DMXL2: variants seen among roughly 807,000 people sequenced by gnomAD.
The protein encoded by DMXL2 is dmX-like protein 2.
A neutral mutation model predicts 331.1 loss-of-function variants in DMXL2; 103 were observed. The observed-to-expected ratio is 0.31, with a 90% CI of 0.27 to 0.37. The LOEUF (loss-of-function observed/expected upper bound fraction) is 0.37, where lower values mean the gene tolerates loss of function less well. Among genes scored for constraint, DMXL2 ranks in the 10% least tolerant of loss-of-function variants. The pLI, the probability that DMXL2 is intolerant of heterozygous loss-of-function variation, is 1.00. For synonymous variants in DMXL2, 1,281 were observed against 1,252.1 expected, an observed-to-expected ratio of 1.02 and a Z score of -0.49; for missense variants, 3,171 against 3,642.9, an observed-to-expected ratio of 0.87 and a Z score of 3.33.
intron 1 of DMXL2, among the ~76,000 whole-genome samples, chr15:51,592,582 C>T (rs1854276838): frequency 6.6e-6 from 1 of 152,132 alleles, no homozygotes; most frequent in South Asian, 2.1e-4. Flanking sequence ...CAAAGATACT[C>T]CTTGACAAGA....
chr15:51,613,485 T>C (rs915165496), intron 1 of DMXL2, among the ~76,000 whole-genome samples: 7 of 152,246 alleles, frequency 4.6e-5, no homozygotes, highest in African/African-American at 1.7e-4. Flanking sequence ...TACACTTCAA[T>C]AGCTAGTTTA....
At chr15:51,589,373 A>C (rs1272981003) in intron 1 of DMXL2, among the ~76,000 whole-genome samples, 1 of 152,224 alleles carries the variant, frequency 6.6e-6, no homozygotes, top group Non-Finnish European at 1.5e-5. Flanking sequence ...TTCTATTTCC[A>C]ATTACTCTGA....
At chr15:51,564,037 A>C in intron 5 of DMXL2, 88 bp downstream of exon 5, 1 of 1,440,258 alleles carries the variant, frequency 6.9e-7, no homozygotes, top group Non-Finnish European at 9.3e-7. Context: ...TGGTACCATC[A>C]AAAAATAAAG....
At chr15:51,530,964 C>A (rs560988231) in intron 13 of DMXL2, among the ~76,000 whole-genome samples, 11 of 152,240 alleles carry the variant, frequency 7.2e-5, no homozygotes, top group African/African-American at 2.2e-4. Context: ...CTACCCCAAG[C>A]AATCTACAGA....
At chr15:51,617,906 A>C (rs1160430618) in intron 1 of DMXL2, among the ~76,000 whole-genome samples, 3 of 152,198 alleles carry the variant, frequency 2.0e-5, no homozygotes, top group Non-Finnish European at 4.4e-5. Flanking sequence ...CAGGGACATA[A>C]GAACTTATAA....
chr15:51,453,401 A>G, intron 41 of DMXL2, 149 bp downstream of exon 41: 3 of 534,038 alleles, frequency 5.6e-6, no homozygotes, highest in Non-Finnish European at 6.3e-6. Context: ...TTTTGGTAAG[A>G]AAAAACACTC....
chr15:51,466,324 G>C lies in DMXL2; in HGVS notation c.7393-13C>G. 1 of 1,258,570 alleles carries C rather than the reference G, an allele frequency of 7.9e-7. No homozygotes were observed. Among genetic ancestry groups the C allele is most frequent in the Non-Finnish European group, 1.0e-6 (1 of 955,568 alleles). The allele number at this position is 1,258,570 out of a possible 1,614,324, so 78.0% of individuals were successfully genotyped here. ...AAGGAAGAAATGGCTGCAATAAAAGGTAAAATTATTTTTTTAAAGATTATA... is the reference window on the plus strand; with the variant it reads ...AAGGAAGAAATGGCTGCAATAAAAGCTAAAATTATTTTTTTAAAGATTATA... On this transcript the variant is annotated splice_polypyrimidine_tract_variant and intron_variant, in intron 29 of 43. Coordinates refer to ENST00000560891, the MANE Select transcript of DMXL2 (RefSeq NM_001378457.1).
At chr15:51,458,917 GCAAGA>G in intron 34 of DMXL2, 122 bp from the exon 35 acceptor site, 2 of 690,684 alleles carry the variant, frequency 2.9e-6, no homozygotes, top group Non-Finnish European at 2.3e-6. Context: ...AGCAGCAGCA[GCAAGA>G]AAAAAGGGTA....
At chr15:51,475,701 A>C (rs2041520965) in intron 27 of DMXL2, among the ~76,000 whole-genome samples, 1 of 152,224 alleles carries the variant, frequency 6.6e-6, no homozygotes. Flanking sequence ...CCAAAAGCAC[A>C]TTAGTGGGAC....
At chr15:51,559,257 T>C (rs1027552010) in intron 6 of DMXL2, among the ~76,000 whole-genome samples, 3 of 152,310 alleles carry the variant, frequency 2.0e-5, no homozygotes, top group South Asian at 2.1e-4. Flanking sequence ...AAAAAGCTCA[T>C]ACCCATAATA....
chr15:51,464,888 C>A lies in DMXL2; in HGVS notation c.7607-12G>T. 1 of 1,591,608 alleles carries A rather than the reference C, an allele frequency of 6.3e-7. No homozygotes were observed. The highest frequency in any genetic ancestry group is 8.6e-7 in the Non-Finnish European group (1 of 1,166,914). On this transcript the variant is annotated splice_polypyrimidine_tract_variant and intron_variant, in intron 31 of 43. Coordinates refer to ENST00000560891, the MANE Select transcript of DMXL2 (RefSeq NM_001378457.1). ...TGTTACAGGCAGCTCTACAAGGTGA[C>A]AGAATATGTTATTTATTTTAATAAA...
intron 43 of DMXL2, among the ~76,000 whole-genome samples, chr15:51,449,536 C>G (rs1201107165): frequency 6.6e-6 from 1 of 152,146 alleles, no homozygotes; most frequent in Non-Finnish European, 1.5e-5. Context: ...CAGACAGTCC[C>G]CTACTTACGA....
chr15:51,520,727 C>T (rs897351769), intron 13 of DMXL2, among the ~76,000 whole-genome samples: 1 of 152,066 alleles, frequency 6.6e-6, no homozygotes, highest in Non-Finnish European at 1.5e-5. Context: ...CGTGGCAGTG[C>T]GCACCTGTAA....
chr15:51,478,242 T>C, intron 26 of DMXL2, 29 bp downstream of exon 26: 1 of 1,538,614 alleles, frequency 6.5e-7, no homozygotes, highest in Non-Finnish European at 8.8e-7. Flanking sequence ...TTTGCTGTAT[T>C]AATACTATTT....
At chr15:51,486,783 C>T (rs2042425120) in intron 22 of DMXL2, among the ~76,000 whole-genome samples, 1 of 151,956 alleles carries the variant, frequency 6.6e-6, no homozygotes, top group African/African-American at 2.4e-5. Context: ...CTCTGGGAGC[C>T]TGTATTCTAA....
At position 51,480,686 on chromosome 15, in the gene DMXL2, A is replaced by G. The variant is rs752368757; in HGVS notation, c.6420T>C (p.His2140=). 2.9e-5 allele frequency: 47 copies of G among 1,612,524 alleles called. No individual in the cohort carries two copies. The highest frequency in any genetic ancestry group is 2.2e-5 in the Non-Finnish European group (26 of 1,178,930). ...GCAACCACGACTTTCGTCTTTCTGC[A>G]TGCTCTCGTTTGGCCTGCAATCTTC... ...ERRRLQAKRE[H]AERRKSWLQK... Residue 2140 remains histidine, a synonymous_variant, in exon 24 of 44, where the codon CAT becomes CAC. Transcript: ENST00000560891.
At chr15:51,531,794 G>A (rs1442593801) in intron 13 of DMXL2, among the ~76,000 whole-genome samples, 1 of 152,104 alleles carries the variant, frequency 6.6e-6, no homozygotes, top group Non-Finnish European at 1.5e-5. Flanking sequence ...CAGATCATCA[G>A]AGAAATGCAA....
chr15:51,506,450 CTTT>C (rs531570148), intron 16 of DMXL2, among the ~76,000 whole-genome samples: 2 of 121,952 alleles, frequency 1.6e-5, no homozygotes, highest in South Asian at 2.6e-4. Flanking sequence ...AGCAATTCTG[CTTT>C]TTTTTTTTTT....
At chr15:51,561,933 C>G (rs7182977) in intron 6 of DMXL2, among the ~76,000 whole-genome samples, 73,146 of 151,934 alleles carry the variant, frequency 0.48, 17,905 homozygotes, top group Non-Finnish European at 0.52. Flanking sequence ...GACAAGCACA[C>G]AAAGAAAAAG....
Sources: gnomAD v4.1 joint callset for allele counts (sites outside exome capture counted in the v4.1 genomes callset) on GRCh38, gnomAD v4.1.1 for gene constraint, MANE v1.5 for transcripts, NCBI Gene and HGNC (gene_info 2026-07-23, HGNC 2026-07-21) for gene names.